The following TRDN variants were observed in gnomAD, a reference collection of about 807,000 sequenced individuals.
TRDN encodes the protein triadin.
Under a neutral mutation model 149.7 loss-of-function variants are expected in TRDN, and 161 were observed. The observed-to-expected ratio is 1.08, with a 90% CI of 0.95 to 1.23. TRDN has a LOEUF of 1.23. Among genes scored for constraint, TRDN ranks in the 50% most tolerant of loss-of-function variants. The pLI, the probability that TRDN is intolerant of heterozygous loss-of-function variation, is 0.00. For synonymous variants in TRDN, 294 were observed against 250.5 expected (o/e 1.17, Z -1.64); for missense variants, 896 against 823.5 (o/e 1.09, Z -1.08).
chr6:123,432,217 C>T (rs999593619), intron 12 of TRDN, among the ~76,000 whole-genome samples: 1 of 152,034 alleles, frequency 6.6e-6, no homozygotes, highest in Admixed American at 6.6e-5. Context: ...TCAGTGAGCA[C>T]AAAAGACATT....
At chr6:123,246,124 A>T (rs987152348) in intron 38 of TRDN, among the ~76,000 whole-genome samples, 2 of 152,070 alleles carry the variant, frequency 1.3e-5, no homozygotes, top group African/African-American at 4.8e-5. Flanking sequence ...AAATGCCCAC[A>T]TGAGAAAGCG....
At chr6:123,432,290 T>C (rs1774367085) in intron 12 of TRDN, among the ~76,000 whole-genome samples, 1 of 152,192 alleles carries the variant, frequency 6.6e-6, no homozygotes, top group African/African-American at 2.4e-5. Context: ...ATTGGAGTTT[T>C]AGTTTTATCA....
chr6:123,239,331 T>A (rs1377517881), intron 38 of TRDN, among the ~76,000 whole-genome samples: 1 of 152,150 alleles, frequency 6.6e-6, no homozygotes, highest in East Asian at 1.9e-4. Context: ...GTCAATATAG[T>A]TTATTCAGTT....
chr6:123,577,916 T>A (rs1782937008), intron 1 of TRDN, among the ~76,000 whole-genome samples: 1 of 152,206 alleles, frequency 6.6e-6, no homozygotes, highest in South Asian at 2.1e-4. Context: ...ATGTGCTTGT[T>A]GGCTGCATGT....
At chr6:123,437,865 T>C (rs2114592409) in intron 12 of TRDN, among the ~76,000 whole-genome samples, 198 bp downstream of exon 12, 1 of 152,252 alleles carries the variant, frequency 6.6e-6, no homozygotes, top group South Asian at 2.1e-4. Context: ...AATTCCAGTC[T>C]CTCTGTCCTA....
intron 9 of TRDN, among the ~76,000 whole-genome samples, chr6:123,490,268 T>A (rs991961619): frequency 1.3e-5 from 2 of 152,178 alleles, no homozygotes; most frequent in Non-Finnish European, 2.9e-5. Flanking sequence ...AAACAATGAA[T>A]AATGCTGAAT....
At chr6:123,506,566 G>A (rs1778933802) in intron 7 of TRDN, among the ~76,000 whole-genome samples, 3 of 151,826 alleles carry the variant, frequency 2.0e-5, no homozygotes, top group African/African-American at 7.3e-5. Context: ...TTGGCTCACT[G>A]CAACCTCTGC....
At chr6:123,526,859 A>G (rs1293759433) in intron 5 of TRDN, among the ~76,000 whole-genome samples, 1 of 152,002 alleles carries the variant, frequency 6.6e-6, no homozygotes, top group Non-Finnish European at 1.5e-5. Flanking sequence ...AATTCAGATA[A>G]GAAAACTGTA....
intron 24 of TRDN, among the ~76,000 whole-genome samples, chr6:123,304,412 C>T (rs958124867): frequency 3.3e-5 from 5 of 151,576 alleles, no homozygotes; most frequent in Non-Finnish European, 7.4e-5. Context: ...TCCATCATGC[C>T]CGGCTAATTT....
At chr6:123,578,777 C>A (rs546749722) in intron 1 of TRDN, among the ~76,000 whole-genome samples, 21 of 151,976 alleles carry the variant, frequency 1.4e-4, no homozygotes, top group Admixed American at 1.2e-3. Flanking sequence ...TATTTTTATC[C>A]GTGAGCATGG....
intron 18 of TRDN, among the ~76,000 whole-genome samples, chr6:123,376,743 C>T (rs963845185): frequency 8.5e-5 from 13 of 152,168 alleles, no homozygotes; most frequent in African/African-American, 2.6e-4. Flanking sequence ...TGTAGTTTTC[C>T]GTGGTTTGTG....
At chr6:123,627,996 G>A (rs981498545) in intron 1 of TRDN, among the ~76,000 whole-genome samples, 3 of 152,248 alleles carry the variant, frequency 2.0e-5, no homozygotes, top group Non-Finnish European at 2.9e-5. Flanking sequence ...ATTCTGGCTG[G>A]TTGGATCTTC....
intron 38 of TRDN, among the ~76,000 whole-genome samples, chr6:123,226,353 A>G (rs549460324): frequency 6.6e-6 from 1 of 151,926 alleles, no homozygotes; most frequent in Non-Finnish European, 1.5e-5. Flanking sequence ...TTCCTATGAA[A>G]GTTCTGTACA....
intron 25 of TRDN, among the ~76,000 whole-genome samples, 156 bp downstream of exon 25, chr6:123,278,900 A>G (rs1344900794): frequency 1.3e-5 from 2 of 152,210 alleles, no homozygotes; most frequent in African/African-American, 2.4e-5. Flanking sequence ...AATACATGTA[A>G]GAAAATGAGT....
chr6:123,377,078 C>A (rs1014467117), intron 18 of TRDN, among the ~76,000 whole-genome samples: 3 of 152,166 alleles, frequency 2.0e-5, no homozygotes, highest in African/African-American at 4.8e-5. Context: ...ACAGCAACTG[C>A]ACTTTTAGTT....
At chr6:123,237,235 T>A (rs1775818764) in intron 38 of TRDN, among the ~76,000 whole-genome samples, 1 of 152,148 alleles carries the variant, frequency 6.6e-6, no homozygotes, top group South Asian at 2.1e-4. Flanking sequence ...GTTTTCTGTA[T>A]TAACTTTATA....
At position 123,259,619 on chromosome 6, in the gene TRDN, T is replaced by A. The variant is rs1041234944; in HGVS notation, c.1870+5A>T. On this transcript the variant is annotated splice_donor_5th_base_variant and intron_variant, in intron 35 of 40. Coordinates refer to ENST00000334268, the MANE Select transcript of TRDN (RefSeq NM_006073.4). ...GATGTATATGTCTTAAAATGTCATT[T>A]TTACCTTTACTTTCTTTTTCAGATA... The A allele has an allele frequency of 2.0e-6, 3 of 1,476,348 alleles. No individual in the cohort carries two copies. The highest frequency in any genetic ancestry group is 2.8e-6 in the Non-Finnish European group (3 of 1,090,038). 91.5% of individuals were successfully genotyped at this position (1,476,348 alleles called of 1,614,324 possible).
In TRDN at chr6:123,503,750, C is replaced by G. The variant is rs746983339; in HGVS notation, c.762G>C (p.Glu254Asp). 1.2e-6 allele frequency: 2 copies of G among 1,613,588 alleles called. No individual in the cohort carries two copies. The highest frequency in any genetic ancestry group is 1.3e-5 in the African/African-American group (1 of 74,882). Reference sequence around the variant, plus strand: ...GTTCATGCTTTGACACAGCTGCTTTCTCTTTGTCCTCCTTTTCTTTGGGTT... The same window carrying G: ...GTTCATGCTTTGACACAGCTGCTTTGTCTTTGTCCTCCTTTTCTTTGGGTT... ...PSKPKEKEDK[E>D]KAAVSKHEQK... is the part of the protein sequence containing the mutation. The change falls in exon 8 of 41, where the codon GAG becomes GAC. Residue 254 changes from glutamate to aspartate, a missense_variant. Coordinates refer to ENST00000334268, the MANE Select transcript of TRDN (RefSeq NM_006073.4).
At chr6:123,268,830 G>T (rs1777106800) in intron 31 of TRDN, among the ~76,000 whole-genome samples, 1 of 151,804 alleles carries the variant, frequency 6.6e-6, no homozygotes, top group African/African-American at 2.4e-5. Context: ...AATATTCAAG[G>T]TATTAAACTG....
Sources: allele counts gnomAD v4.1 joint callset (sites outside exome capture counted in the v4.1 genomes callset), GRCh38; gene constraint gnomAD v4.1.1; transcripts MANE v1.5; gene names NCBI Gene and HGNC (gene_info 2026-07-23, HGNC 2026-07-21).